Variants in PRKD3 observed in about 807,000 individuals in gnomAD.
PRKD3 encodes serine/threonine-protein kinase D3.
PRKD3 carries 47 observed loss-of-function variants against 99.2 expected under a neutral mutation model. That is an observed-to-expected ratio of 0.47 (90% CI 0.38 to 0.60). PRKD3 has a LOEUF of 0.60. Among genes scored for constraint, PRKD3 ranks in the 20% least tolerant of loss-of-function variants. The probability of loss-of-function intolerance (pLI) is 0.00; values close to 1 mark genes in which losing one functional copy is unlikely to be tolerated. For missense variants in PRKD3, 1,019 were observed against 1,088.4 expected, an observed-to-expected ratio of 0.94 and a Z score of 0.90; for synonymous variants, 392 against 355.4, an observed-to-expected ratio of 1.10 and a Z score of -1.16.
chr2:37,295,320 A>G (rs1328013759), intron 2 of PRKD3, among the ~76,000 whole-genome samples: 1 of 152,154 alleles, frequency 6.6e-6, no homozygotes, highest in Non-Finnish European at 1.5e-5. Flanking sequence ...AGGAATAAAA[A>G]ATGTTAACTG....
chr2:37,269,622 A>C lies in PRKD3; in HGVS notation c.1770T>G (p.Val590=). The change falls in exon 13 of 19, where the codon GTT becomes GTG. Residue 590 remains valine (V), a synonymous_variant. Coordinates refer to ENST00000234179, the MANE Select transcript of PRKD3 (RefSeq NM_005813.6). ...EVLGSGQFGI[V]YGGKHRKTGR... is the part of the protein sequence containing the mutation. Reference sequence around the variant, plus strand: ...ACGGCTGTAGTTGCTTACCTCCATAAACGATGCCAAACTGGCCTGAACCAA... The same window carrying C: ...ACGGCTGTAGTTGCTTACCTCCATACACGATGCCAAACTGGCCTGAACCAA... The C allele has an allele frequency of 6.2e-7, 1 of 1,611,164 alleles. No homozygotes were observed. Among genetic ancestry groups the C allele is most frequent in the Non-Finnish European group, 8.5e-7 (1 of 1,177,368 alleles).
intron 14 of PRKD3, among the ~76,000 whole-genome samples, chr2:37,266,512 G>C (rs1476864791): frequency 1.3e-5 from 2 of 150,444 alleles, no homozygotes; most frequent in African/African-American, 4.9e-5. Flanking sequence ...TTGAGATGGA[G>C]TTTTGCTGTT....
intron 1 of PRKD3, 31 bp from the exon 2 acceptor site, chr2:37,317,210 A>C: frequency 2.4e-6 from 2 of 830,948 alleles, no homozygotes; most frequent in Non-Finnish European, 2.9e-6. Flanking sequence ...GGTTTTTAAT[A>C]CTTTATATTC....
At chr2:37,253,387 A>G in intron 18 of PRKD3, 37 bp from the exon 19 acceptor site, 1 of 1,547,526 alleles carries the variant, frequency 6.5e-7, no homozygotes, top group African/African-American at 1.4e-5. Context: ...GAAACAAAAG[A>G]AACAAAATAC....
At position 37,293,130 on chromosome 2, in the gene PRKD3, TACC is replaced by T. The variant is rs1202021911; in HGVS notation, c.427_427+2del. On this transcript the variant is annotated splice_donor_variant and coding_sequence_variant, in exon 3 of 19. Coordinates refer to ENST00000234179, the MANE Select transcript of PRKD3 (RefSeq NM_005813.6). LOFTEE classifies it high-confidence loss of function. Reference sequence around the variant, plus strand: ...CAATCACTCTAAAAAGCCACTTACTTACCTGAAAGAACCACTTCCACTAGGTCT... The same window carrying T: ...CAATCACTCTAAAAAGCCACTTACTTTGAAAGAACCACTTCCACTAGGTCT... The T allele has an allele frequency of 6.4e-7, 1 of 1,557,808 alleles. No homozygotes were observed. The highest frequency in any genetic ancestry group is 8.8e-7 in the Non-Finnish European group (1 of 1,138,054).
rs530524756 is a variant in PRKD3 at position 37,304,520 on chromosome 2, C to T, written c.289-11249G>A. Among the ~76,000 whole-genome samples, 24 of 152,116 alleles carry T rather than the reference C, an allele frequency of 1.6e-4. No homozygotes were observed. The South Asian group carries it at 2.3e-3, about 14-fold the overall frequency. On this transcript the variant is annotated intron_variant, in intron 2 of 18. Coordinates refer to ENST00000234179, the MANE Select transcript of PRKD3 (RefSeq NM_005813.6). ...CTTTGGGAGGCTGAGGCAGATGGAT[C>T]GCCTGAGGACAGGAGTTTGAGACCA... is the stretch of plus-strand genomic sequence containing the variant.
At chr2:37,263,895 C>T (rs1668646989) in intron 14 of PRKD3, among the ~76,000 whole-genome samples, 1 of 152,090 alleles carries the variant, frequency 6.6e-6, no homozygotes, top group African/African-American at 2.4e-5. Flanking sequence ...TTTGGGGTAG[C>T]TTCCAAGATG....
chr2:37,266,594 C>A (rs1165620252), intron 14 of PRKD3, among the ~76,000 whole-genome samples: 4 of 151,740 alleles, frequency 2.6e-5, no homozygotes, highest in Non-Finnish European at 5.9e-5. Context: ...TCAAGCGATT[C>A]TCCTGCCTCA....
chr2:37,306,718 A>T (rs1173263171), intron 2 of PRKD3, among the ~76,000 whole-genome samples: 2 of 152,124 alleles, frequency 1.3e-5, no homozygotes, highest in East Asian at 3.9e-4. Context: ...GTGAGGTGGG[A>T]GGATCAATTG....
chr2:37,255,721 T>C (rs1667877104), intron 17 of PRKD3, among the ~76,000 whole-genome samples: 2 of 152,074 alleles, frequency 1.3e-5, no homozygotes, highest in Non-Finnish European at 2.9e-5. Context: ...AAGAAAAAAA[T>C]GGGGCTGGGT....
At chr2:37,267,907 A>C (rs1374442534) in intron 13 of PRKD3, 1 of 204,272 alleles carries the variant, frequency 4.9e-6, no homozygotes, top group African/African-American at 2.4e-5. Flanking sequence ...TCAATGAGTC[A>C]GCACAGAGTG....
intron 1 of PRKD3, among the ~76,000 whole-genome samples, chr2:37,319,194 GA>G (rs989394111): frequency 1.3e-5 from 2 of 151,842 alleles, no homozygotes; most frequent in East Asian, 3.8e-4. Flanking sequence ...AGCAAAGCCA[GA>G]AAAAAAAGAT....
chr2:37,261,443 T>TGC (rs1668440207), intron 14 of PRKD3, among the ~76,000 whole-genome samples: 66 of 146,540 alleles, frequency 4.5e-4, no homozygotes, highest in African/African-American at 1.6e-3. Context: ...GCCGAGATCA[T>TGC]GCCATTGCAC....
chr2:37,302,813 C>T (rs188319876), intron 2 of PRKD3, among the ~76,000 whole-genome samples: 94 of 152,188 alleles, frequency 6.2e-4, no homozygotes, highest in Admixed American at 2.5e-3. Flanking sequence ...CAAGCCTCCC[C>T]AAGTGCTGAT....
At chr2:37,272,498 A>T (rs1669334923) in intron 11 of PRKD3, 66 bp from the exon 12 acceptor site, 1 of 1,532,186 alleles carries the variant, frequency 6.5e-7, no homozygotes, top group Admixed American at 2.1e-5. Context: ...TGACATGTGA[A>T]TGCTCATGGT....
intron 4 of PRKD3, among the ~76,000 whole-genome samples, chr2:37,290,297 C>T (rs377622224): frequency 1.4e-4 from 22 of 152,184 alleles, no homozygotes; most frequent in East Asian, 1.2e-3. Context: ...GGTGCAATCT[C>T]GGCTCCCTGC....
intron 2 of PRKD3, among the ~76,000 whole-genome samples, chr2:37,313,949 T>C (rs776828123): frequency 6.6e-6 from 1 of 152,028 alleles, no homozygotes; most frequent in East Asian, 1.9e-4. Flanking sequence ...TCTTGAAAAA[T>C]TATATTGAAA....
At position 37,275,625 on chromosome 2, in the gene PRKD3, T is replaced by C. The variant is rs1192160569; in HGVS notation, c.1374+142A>G. 5 of 877,658 alleles carry C rather than the reference T, an allele frequency of 5.7e-6. No homozygotes were observed. The African/African-American group carries it at 7.1e-5, about 12-fold the overall frequency. The allele number at this position is 877,658 out of a possible 1,614,324, so 54.4% of individuals were successfully genotyped here. On this transcript the variant is annotated intron_variant, in intron 10 of 18. Transcript: ENST00000234179. ...GAAATTTGGTATGGGAAATAGTTGC[T>C]TCAACAAGGAACCTAACAGTGACTT...
At chr2:37,267,692 G>A in intron 13 of PRKD3, 156 bp from the exon 14 acceptor site, 2 of 592,872 alleles carry the variant, frequency 3.4e-6, no homozygotes, top group East Asian at 6.1e-5. Context: ...TTTAATTTAG[G>A]AAAAAATTGT....
Sources: gnomAD v4.1 joint callset for allele counts (sites outside exome capture counted in the v4.1 genomes callset) on GRCh38, gnomAD v4.1.1 for gene constraint, MANE v1.5 for transcripts, NCBI Gene and HGNC (gene_info 2026-07-23, HGNC 2026-07-21) for gene names.